The following MYT1 variants were observed in gnomAD, a reference collection of about 807,000 sequenced individuals.
The protein encoded by MYT1 is myelin transcription factor 1.
Under a neutral mutation model 123.0 loss-of-function variants are expected in MYT1, and 23 were observed. The observed-to-expected ratio is 0.19, with a 90% CI of 0.13 to 0.26. MYT1 has a LOEUF of 0.26. Among genes scored for constraint, MYT1 ranks in the 10% least tolerant of loss-of-function variants. The pLI is 1.00. For missense variants in MYT1, 1,125 were observed against 1,472.5 expected (o/e 0.76, Z 3.86); for synonymous variants, 518 against 575.3 (o/e 0.90, Z 1.43).
chr20:64,223,419 C>A, intron 16 of MYT1, 60 bp downstream of exon 16: 2 of 1,574,956 alleles, frequency 1.3e-6, no homozygotes, highest in Non-Finnish European at 8.7e-7. Context: ...TGCTCTCCTT[C>A]CATGAGGCTC....
rs998403918 is a variant in MYT1, at chr20:64,221,978, C to T, written c.2327C>T (p.Pro776Leu). ...GAGAATTTTGAGGAGCGGAAGTATC[C>T]GGGGGAAGTCACCCTGACCAACTTT... ...SEENFEERKYPGEVTLTNFKL... is the reference protein window; with the variant it reads ...SEENFEERKYLGEVTLTNFKL... Residue 776 changes from proline (P) to leucine (L), a missense_variant, in exon 14 of 23, where the codon CCG (proline) becomes CTG (leucine). By Grantham distance (98) the Pro-to-Leu change is moderately conservative (BLOSUM62 -3). Coordinates refer to ENST00000328439, the MANE Select transcript of MYT1 (RefSeq NM_004535.3). 8.7e-6 allele frequency: 14 copies of T among 1,613,562 alleles called. No individual in the cohort carries two copies. Among genetic ancestry groups the T allele is most frequent in the African/African-American group, 1.3e-5 (1 of 75,010 alleles).
chr20:64,170,532 G>A (rs1982220195), intron 1 of MYT1, among the ~76,000 whole-genome samples: 1 of 152,042 alleles, frequency 6.6e-6, no homozygotes, highest in Non-Finnish European at 1.5e-5. Context: ...GAGCAGTTCT[G>A]AATTATTCCT....
Position 64,208,030 on chromosome 20 carries a change from A to AGAGGAAGAGGAG in MYT1, c.846_857dup (p.Glu303_Glu306dup). The AGAGGAAGAGGAG allele has an allele frequency of 1.3e-6, 2 of 1,591,528 alleles. No individual in the cohort carries two copies. Among genetic ancestry groups the AGAGGAAGAGGAG allele is most frequent in the Non-Finnish European group, 1.7e-6 (2 of 1,167,600 alleles). On this transcript the variant is annotated inframe_insertion, in exon 7 of 23. Coordinates refer to ENST00000328439, the MANE Select transcript of MYT1 (RefSeq NM_004535.3). This position sits in a 1 kb window ranked among gnomAD's most constrained non-coding sequence, Gnocchi z 5.4. ...AGGAGGAGGAGGATGAAGAAGAGGAAGAGGAAGAGGAGGAGGAAGAGGAAG... is the reference window on the plus strand; with the variant it reads ...AGGAGGAGGAGGATGAAGAAGAGGAAGAGGAAGAGGAGGAGGAAGAGGAGGAGGAAGAGGAAG...
chr20:64,198,156 G>T (rs936582398), intron 2 of MYT1, among the ~76,000 whole-genome samples: 1 of 151,698 alleles, frequency 6.6e-6, no homozygotes, highest in African/African-American at 2.4e-5. Flanking sequence ...GCGTGGTAGC[G>T]GGCGCCTGTA....
Position 64,202,016 on chromosome 20 carries a change from C to CCGCG in MYT1, c.86+2094_86+2095insCGCG, listed in dbSNP as rs1568708218. On this transcript the variant is annotated intron_variant, in intron 4 of 22. Transcript: ENST00000328439. The surrounding 1 kb of genome is among the most constrained non-coding windows in gnomAD (Gnocchi z 5.0). ...GGGAACCCCCGCGTGTCGGGAACCC[C>CCGCG]TCGCGTGTCGGGAACCCCCGCGTGT... Among the ~76,000 whole-genome samples, 39 of 54,932 alleles carry CCGCG rather than the reference C, an allele frequency of 7.1e-4. 1 individual carries two copies. The highest frequency in any genetic ancestry group is 2.1e-3 in the African/African-American group (34 of 15,914). The allele number at this position is 54,932 out of a possible 152,430, so 36.0% of individuals were successfully genotyped here.
rs1984326641 is a variant in MYT1 at position 64,231,722 on chromosome 20, A to T, written c.2676-442A>T. On this transcript the variant is annotated intron_variant, in intron 18 of 22. Transcript: ENST00000328439. The surrounding 1 kb of genome is among the most constrained non-coding windows in gnomAD (Gnocchi z 6.4). ...TAGGGGACCTTGTCATTCTTTTGTG[A>T]TCCATAGGCCCCCAGGCCTATGCTT... is the stretch of plus-strand genomic sequence containing the variant. Among the ~76,000 whole-genome samples, 1 of 151,914 alleles carries T rather than the reference A, an allele frequency of 6.6e-6. No individual in the cohort carries two copies. The highest frequency in any genetic ancestry group is 1.5e-5 in the Non-Finnish European group (1 of 67,974).
chr20:64,179,043 C>T (rs970513600), intron 1 of MYT1, among the ~76,000 whole-genome samples: 4 of 146,782 alleles, frequency 2.7e-5, no homozygotes, highest in Admixed American at 1.3e-4. Flanking sequence ...AAGGTGGGAG[C>T]ACTGAGCCGT....
At chr20:64,219,399 G>A (rs111589631) in intron 12 of MYT1, among the ~76,000 whole-genome samples, 10 of 152,346 alleles carry the variant, frequency 6.6e-5, no homozygotes, top group African/African-American at 1.4e-4. Flanking sequence ...CTGTTCACAC[G>A]TGTTTCCCGC....
chr20:64,173,454 TC>T (rs1982350262), intron 1 of MYT1, among the ~76,000 whole-genome samples: 1 of 150,132 alleles, frequency 6.7e-6, no homozygotes, highest in Non-Finnish European at 1.5e-5. Flanking sequence ...TGTGTCCATT[TC>T]CCCTCCCTGA....
Position 64,221,875 on chromosome 20 carries a change from C to T in MYT1, c.2242-18C>T. The T allele has an allele frequency of 1.2e-6, 2 of 1,611,924 alleles. No homozygotes were observed. Among genetic ancestry groups the T allele is most frequent in the Non-Finnish European group, 1.7e-6 (2 of 1,179,520 alleles). ...CCCCGCCAGCCGGTTAAAACATCTT[C>T]CTGCTGGTTTTTTGCAGTCAGAGCC... On this transcript the variant is annotated intron_variant, in intron 13 of 22. Coordinates refer to ENST00000328439, the MANE Select transcript of MYT1 (RefSeq NM_004535.3).
Position 64,196,363 on chromosome 20 carries a change from T to G in MYT1, c.1-2499T>G, listed in dbSNP as rs895816228. Among the ~76,000 whole-genome samples the G allele has an allele frequency of 2.0e-5, 3 of 152,204 alleles. No homozygotes were observed. Among genetic ancestry groups the G allele is most frequent in the African/African-American group, 7.2e-5 (3 of 41,444 alleles). Reference sequence around the variant, plus strand: ...CACCCGCTCTCCATCTACCACATCGTGGTGCCGATCTTGCGGCAGGAGGAG... The same window carrying G: ...CACCCGCTCTCCATCTACCACATCGGGGTGCCGATCTTGCGGCAGGAGGAG... On this transcript the variant is annotated intron_variant, in intron 2 of 22. Coordinates refer to ENST00000328439, the MANE Select transcript of MYT1 (RefSeq NM_004535.3). This position sits in a 1 kb window ranked among gnomAD's most constrained non-coding sequence, Gnocchi z 4.3.
intron 6 of MYT1, among the ~76,000 whole-genome samples, chr20:64,206,348 G>A (rs529833947): frequency 6.6e-6 from 1 of 152,328 alleles, no homozygotes; most frequent in South Asian, 2.1e-4. Context: ...AAGAGGGGAA[G>A]GAGGAAAGCA....
chr20:64,207,716 A>T lies in MYT1; in HGVS notation c.520A>T (p.Ile174Phe). 6.2e-7 allele frequency: 1 copy of T among 1,614,044 alleles called. No homozygotes were observed. Among genetic ancestry groups the T allele is most frequent in the Non-Finnish European group, 8.5e-7 (1 of 1,180,014 alleles). Residue 174 changes from isoleucine to phenylalanine, a missense_variant, in exon 7 of 23, where the codon ATT (isoleucine) becomes TTT (phenylalanine). Transcript: ENST00000328439. ...AACTTCTCTCCTGAACTTGGGTCAAATTGCTGAAGAGACCCTGGTGGAAGA... is the reference window on the plus strand; with the variant it reads ...AACTTCTCTCCTGAACTTGGGTCAATTTGCTGAAGAGACCCTGGTGGAAGA... The part of the protein sequence containing the change: ...IATSLLNLGQ[I>F]AEETLVEEDL...
rs1173929581 is a variant in MYT1 at position 64,191,166 on chromosome 20, G to A, written c.-1+1006G>A. On this transcript the variant is annotated intron_variant, in intron 2 of 22. Coordinates refer to ENST00000328439, the MANE Select transcript of MYT1 (RefSeq NM_004535.3). This position sits in a 1 kb window ranked among gnomAD's most constrained non-coding sequence, Gnocchi z 4.1. ...CTGACAGCAGAGATTGCTGGCAGGA[G>A]CTTATGAAGTCTGTTGGCCTTGTTT... Among the ~76,000 whole-genome samples the A allele has an allele frequency of 6.6e-6, 1 of 152,214 alleles. No homozygotes were observed. Among genetic ancestry groups the A allele is most frequent in the African/African-American group, 2.4e-5 (1 of 41,456 alleles).
At chr20:64,199,662 C>T (rs773495782) in intron 3 of MYT1, among the ~76,000 whole-genome samples, 4 of 152,152 alleles carry the variant, frequency 2.6e-5, no homozygotes, top group Admixed American at 6.5e-5. Flanking sequence ...GGAGCTTCTG[C>T]GGCGAGCACC....
intron 2 of MYT1, among the ~76,000 whole-genome samples, chr20:64,195,378 G>GTGTGTGTC (rs1354948865): frequency 3.9e-5 from 4 of 102,276 alleles, no homozygotes. Flanking sequence ...GTGTGTGTGT[G>GTGTGTGTC]TGTGTGTGTG....
At chr20:64,200,496 A>G (rs1477128521) in intron 4 of MYT1, among the ~76,000 whole-genome samples, 1 of 152,196 alleles carries the variant, frequency 6.6e-6, no homozygotes, top group Non-Finnish European at 1.5e-5. Context: ...CCAATCAGGA[A>G]AATGAGAGGA....
rs62219694 is a variant in MYT1, at chr20:64,203,015, A to G, written c.87-2020A>G. 0.025 allele frequency among the ~76,000 whole-genome samples: 3,864 copies of G among 152,288 alleles called. 85 individuals carry two copies. The highest frequency in any genetic ancestry group is 0.037 in the Non-Finnish European group (2,505 of 68,000). The stretch of plus-strand genomic sequence containing the variant: ...GCATCTGCTGGCACGACACCCTTGG[A>G]GGCCCTGGCTGGGTCTCTTGTCCAC... On this transcript the variant is annotated intron_variant, in intron 4 of 22. Coordinates refer to ENST00000328439, the MANE Select transcript of MYT1 (RefSeq NM_004535.3). The surrounding 1 kb of genome is among the most constrained non-coding windows in gnomAD (Gnocchi z 5.1).
chr20:64,217,021 C>T (rs1983857024), intron 10 of MYT1, 46 bp from the exon 11 acceptor site: 2 of 1,568,772 alleles, frequency 1.3e-6, no homozygotes, highest in Non-Finnish European at 1.7e-6. Flanking sequence ...GCACGGGATC[C>T]CCAGGTCCCA....
Sources: gnomAD v4.1 joint callset for allele counts (sites outside exome capture counted in the v4.1 genomes callset) on GRCh38, gnomAD v4.1.1 for gene constraint, Gnocchi (gnomAD v3.1) non-coding constraint, MANE v1.5 for transcripts, NCBI Gene and HGNC (gene_info 2026-07-23, HGNC 2026-07-21) for gene names.